Variants in CSMD1 observed in about 807,000 individuals in gnomAD.
CSMD1 encodes the protein CUB and Sushi multiple domains 1, also known as CUB and sushi domain-containing protein 1.
Under a neutral mutation model 417.5 loss-of-function variants are expected in CSMD1, and 213 were observed. That is an observed-to-expected ratio of 0.51 (90% confidence interval 0.46 to 0.57). The LOEUF is 0.57. Among genes scored for constraint, CSMD1 ranks in the 20% least tolerant of loss-of-function variants. The pLI is 0.00. For synonymous variants in CSMD1, 2,862 were observed against 1,736.8 expected, an observed-to-expected ratio of 1.65 and a Z score of -16.11; for missense variants, 6,923 against 4,529.7, an observed-to-expected ratio of 1.53 and a Z score of -15.17.
rs1798641692 is a variant in CSMD1, at chr8:3,772,435, ACATT to A, written c.819-18397_819-18394del. 3.9e-5 allele frequency among the ~76,000 whole-genome samples: 3 copies of A among 77,346 alleles called. 1 individual carries two copies. The highest frequency in any genetic ancestry group is 2.5e-4 in the Admixed American group (2 of 7,924). 50.7% of individuals were successfully genotyped at this position (77,346 alleles called of 152,430 possible). A position where few individuals can be genotyped will look rare whatever the true frequency, so the allele number is the denominator to read the frequency against. On this transcript the variant is annotated intron_variant, in intron 5 of 69. Coordinates refer to ENST00000635120, the MANE Select transcript of CSMD1 (RefSeq NM_033225.6). ...TATTTATATATACACATATATACAT[ACATT>A]TATATATACACATATATATACATAT... is the stretch of plus-strand genomic sequence containing the variant.
chr8:3,818,532 TA>T (rs1187000331), intron 5 of CSMD1, among the ~76,000 whole-genome samples: 7 of 152,216 alleles, frequency 4.6e-5, no homozygotes, highest in Admixed American at 3.9e-4. Context: ...AGGGTAGGCT[TA>T]CCCCAAGAAG....
intron 10 of CSMD1, among the ~76,000 whole-genome samples, chr8:3,503,682 G>C (rs1035211793): frequency 1.3e-5 from 2 of 152,216 alleles, no homozygotes; most frequent in Admixed American, 6.5e-5. Flanking sequence ...GCTCAAGACA[G>C]CTAAAGAAGC....
At chr8:4,639,940 T>G (rs1334969249) in intron 1 of CSMD1, among the ~76,000 whole-genome samples, 1 of 152,186 alleles carries the variant, frequency 6.6e-6, no homozygotes, top group African/African-American at 2.4e-5. Flanking sequence ...TGTGGGGTTT[T>G]GAAAGGTTTT....
chr8:3,541,863 A>G (rs1798454642), intron 10 of CSMD1, among the ~76,000 whole-genome samples: 1 of 151,936 alleles, frequency 6.6e-6, no homozygotes, highest in Non-Finnish European at 1.5e-5. Context: ...GGAGTTCGAG[A>G]CCAGCCTGGC....
chr8:3,892,570 A>G (rs1002235477), intron 5 of CSMD1, among the ~76,000 whole-genome samples: 10 of 151,440 alleles, frequency 6.6e-5, no homozygotes, highest in African/African-American at 2.4e-4. Flanking sequence ...AGATTACTCT[A>G]AGTAAAACCA....
At chr8:3,009,982 C>G (rs1355377915) in intron 52 of CSMD1, among the ~76,000 whole-genome samples, 1 of 152,196 alleles carries the variant, frequency 6.6e-6, no homozygotes, top group African/African-American at 2.4e-5. Context: ...ATTCCTGTCT[C>G]AATGTAGTTC....
At chr8:4,510,748 C>G (rs1802780327) in intron 2 of CSMD1, among the ~76,000 whole-genome samples, 1 of 140,734 alleles carries the variant, frequency 7.1e-6, no homozygotes, top group African/African-American at 2.7e-5. Context: ...TTCCTTCCCT[C>G]TTCCCTCCTT....
chr8:3,467,490 G>A (rs368442258), intron 12 of CSMD1, among the ~76,000 whole-genome samples: 2 of 152,212 alleles, frequency 1.3e-5, no homozygotes, highest in Non-Finnish European at 2.9e-5. Context: ...GTATTCAGCA[G>A]TTGCCTCTGC....
intron 3 of CSMD1, among the ~76,000 whole-genome samples, chr8:4,323,345 T>C (rs1208674287): frequency 6.6e-6 from 1 of 152,120 alleles, no homozygotes; most frequent in Non-Finnish European, 1.5e-5. Context: ...TCATGAAAAG[T>C]GAGAAATATA....
chr8:3,497,301 T>G (rs1167897156), intron 10 of CSMD1, among the ~76,000 whole-genome samples: 5 of 152,220 alleles, frequency 3.3e-5, no homozygotes, highest in Non-Finnish European at 7.3e-5. Context: ...CAATAATGTT[T>G]GCTTTATATA....
rs377247656 is a variant in CSMD1, at chr8:3,210,731, T to C, written c.4867+3766A>G. On this transcript the variant is annotated intron_variant, in intron 30 of 69. Coordinates refer to ENST00000635120, the MANE Select transcript of CSMD1 (RefSeq NM_033225.6). ...TATAAAGTGTATACATATATACTTT[T>C]TCTTTAGCCACAGAAAAGGTATTTT... is the stretch of plus-strand genomic sequence containing the variant. 8.0e-5 allele frequency among the ~76,000 whole-genome samples: 12 copies of C among 150,644 alleles called. No individual in the cohort carries two copies. The East Asian group carries it at 2.1e-3, about 27-fold the overall frequency.
At chr8:4,037,921 G>C (rs1036421755) in intron 3 of CSMD1, among the ~76,000 whole-genome samples, 3 of 151,842 alleles carry the variant, frequency 2.0e-5, no homozygotes, top group African/African-American at 7.3e-5. Context: ...GTGGGAATAG[G>C]AAAAAAAGTT....
At chr8:4,556,187 G>A (rs1196209988) in intron 2 of CSMD1, among the ~76,000 whole-genome samples, 41 of 152,014 alleles carry the variant, frequency 2.7e-4, no homozygotes, top group African/African-American at 4.8e-5. Flanking sequence ...TTGAATTTAC[G>A]ACAACATTTT....
chr8:4,738,828 A>G (rs1447254298), intron 1 of CSMD1, among the ~76,000 whole-genome samples: 3 of 152,208 alleles, frequency 2.0e-5, no homozygotes, highest in African/African-American at 7.2e-5. Flanking sequence ...CTACAGATGG[A>G]GAATAGAAAA....
At chr8:4,342,238 TGTGTGTGTGTGTCTCTG>T (rs1307300439) in intron 3 of CSMD1, among the ~76,000 whole-genome samples, 2 of 11,166 alleles carry the variant, frequency 1.8e-4, no homozygotes, top group African/African-American at 9.3e-4. Context: ...TGTGTCTGTG[TGTGTGTGTGTGTCTCTG>T]TATGTGTGTG....
At chr8:4,522,398 T>A (rs1194008038) in intron 2 of CSMD1, among the ~76,000 whole-genome samples, 1 of 152,178 alleles carries the variant, frequency 6.6e-6, no homozygotes, top group African/African-American at 2.4e-5. Context: ...GTTAAAACGG[T>A]ATAATATAGT....
At position 4,207,651 on chromosome 8, in the gene CSMD1, A is replaced by G. The variant is rs141699750; in HGVS notation, c.416-175552T>C. 6.2e-4 allele frequency among the ~76,000 whole-genome samples: 94 copies of G among 152,274 alleles called. 1 individual carries two copies. The highest frequency in any genetic ancestry group is 8.2e-4 in the Non-Finnish European group (56 of 67,974). ...ATTATGAAGAGGGGGTTGTTTATGT[A>G]TTCCTACATAAATTAGTGTGCATTC... is the stretch of plus-strand genomic sequence containing the variant. On this transcript the variant is annotated intron_variant, in intron 3 of 69. Coordinates refer to ENST00000635120, the MANE Select transcript of CSMD1 (RefSeq NM_033225.6).
intron 3 of CSMD1, among the ~76,000 whole-genome samples, chr8:4,254,821 G>A (rs1803338533): frequency 6.6e-6 from 1 of 152,124 alleles, no homozygotes; most frequent in African/African-American, 2.4e-5. Context: ...CAGAGCCTAG[G>A]TGTGCCACAG....
At chr8:4,813,239 A>T (rs1799008412) in intron 1 of CSMD1, among the ~76,000 whole-genome samples, 1 of 152,208 alleles carries the variant, frequency 6.6e-6, no homozygotes, top group Non-Finnish European at 1.5e-5. Context: ...GCTTAGAAAA[A>T]TCAAACATGA....
Sources: gnomAD v4.1 joint callset for allele counts (sites outside exome capture counted in the v4.1 genomes callset) on GRCh38, gnomAD v4.1.1 for gene constraint, MANE v1.5 for transcripts, NCBI Gene and HGNC (gene_info 2026-07-23, HGNC 2026-07-21) for gene names.